Variants in FAM168A observed in about 807,000 individuals in gnomAD.
FAM168A encodes family with sequence similarity 168 member A, also known as protein FAM168A.
FAM168A carries 3 observed loss-of-function variants against 28.5 expected under a neutral mutation model. The ratio of observed to expected loss-of-function variants is 0.11; its 90% CI spans 0.05 to 0.27. The LOEUF (loss-of-function observed/expected upper bound fraction) is 0.27. FAM168A is among the 10% of genes least tolerant of loss of function. The pLI, the probability that FAM168A is intolerant of heterozygous loss-of-function variation, is 1.00. For synonymous variants in FAM168A, 122 were observed against 124.2 expected (o/e 0.98, Z 0.12); for missense variants, 222 against 311.5 (o/e 0.71, Z 2.16).
Position 73,501,496 on chromosome 11 carries a change from A to G in FAM168A, c.-18-33004T>C, listed in dbSNP as rs75384764. 9.8e-3 allele frequency among the ~76,000 whole-genome samples: 1,494 copies of G among 152,348 alleles called. 28 individuals are homozygous for G. Among genetic ancestry groups the G allele is most frequent in the African/African-American group, 0.033 (1,393 of 41,584 alleles). On this transcript the variant is annotated intron_variant, in intron 1 of 7. Coordinates refer to ENST00000356467, the MANE Select transcript of FAM168A (RefSeq NM_015159.3). ...CTGAAATCATAACAAACAGTCTCTCAGACCACAATACAATCAAATAGAACT... is the reference window on the plus strand; with the variant it reads ...CTGAAATCATAACAAACAGTCTCTCGGACCACAATACAATCAAATAGAACT...
intron 1 of FAM168A, among the ~76,000 whole-genome samples, chr11:73,560,386 GGT>G (rs989611830): frequency 6.6e-6 from 1 of 152,036 alleles, no homozygotes; most frequent in African/African-American, 2.4e-5. Context: ...CTTTTGCTAA[GGT>G]GTGTGAAGAT....
At chr11:73,518,428 T>C (rs1279303796) in intron 1 of FAM168A, among the ~76,000 whole-genome samples, 1 of 151,942 alleles carries the variant, frequency 6.6e-6, no homozygotes, top group Non-Finnish European at 1.5e-5. Context: ...AATATTTTCA[T>C]ATTAAAATAT....
intron 1 of FAM168A, among the ~76,000 whole-genome samples, chr11:73,569,825 A>AAAATAAATAAACAAAT (rs1944064857): frequency 6.9e-6 from 1 of 145,720 alleles, no homozygotes; most frequent in Non-Finnish European, 1.5e-5. Context: ...CTCCACCTCA[A>AAAATAAATAAACAAAT]AAATAAATAA....
intron 1 of FAM168A, among the ~76,000 whole-genome samples, chr11:73,537,476 G>A (rs753222782): frequency 6.6e-6 from 1 of 152,154 alleles, no homozygotes; most frequent in African/African-American, 2.4e-5. Flanking sequence ...TAGGAGGATC[G>A]CTTGAACCCG....
intron 1 of FAM168A, among the ~76,000 whole-genome samples, chr11:73,577,898 T>C (rs1944195372): frequency 6.6e-6 from 1 of 152,214 alleles, no homozygotes; most frequent in African/African-American, 2.4e-5. Flanking sequence ...AGAACGTCCC[T>C]TAGGGCCTTA....
At position 73,428,604 on chromosome 11, in the gene FAM168A, A is replaced by C. The variant is rs147278849; in HGVS notation, c.151+2086T>G. Reference sequence around the variant, plus strand: ...CAATTCACAGATCTCATAGCACTTAAATTTAAGTCATTTATATATCATGAT... The same window carrying C: ...CAATTCACAGATCTCATAGCACTTACATTTAAGTCATTTATATATCATGAT... On this transcript the variant is annotated intron_variant, in intron 3 of 7. Transcript: ENST00000356467. Among the ~76,000 whole-genome samples the C allele has an allele frequency of 5.9e-3, 894 of 152,250 alleles. 8 individuals carry two copies. The highest frequency in any genetic ancestry group is 0.027 in the Middle Eastern group (8 of 294).
chr11:73,409,369 A>G, intron 6 of FAM168A, 118 bp downstream of exon 6: 1 of 1,341,328 alleles, frequency 7.5e-7, no homozygotes, highest in Non-Finnish European at 1.0e-6. Flanking sequence ...TGGGTTCCCA[A>G]GCCCCCTGGC....
intron 2 of FAM168A, among the ~76,000 whole-genome samples, chr11:73,466,490 T>C (rs1867738159): frequency 6.6e-6 from 1 of 152,182 alleles, no homozygotes; most frequent in Admixed American, 6.5e-5. Flanking sequence ...CATTTATGAT[T>C]AATGAAATTA....
chr11:73,568,581 G>A (rs537472013), intron 1 of FAM168A, among the ~76,000 whole-genome samples: 59 of 152,230 alleles, frequency 3.9e-4, no homozygotes, highest in Admixed American at 2.6e-3. Flanking sequence ...TCTTCTCAAG[G>A]GTCAGGAAGA....
chr11:73,430,249 T>G, intron 3 of FAM168A: 1 of 113,822 alleles, frequency 8.8e-6, no homozygotes, highest in Admixed American at 8.6e-5. Flanking sequence ...CAAGAGCATG[T>G]GTGTGTGTGT....
At chr11:73,597,127 G>A (rs556163207) in intron 1 of FAM168A, among the ~76,000 whole-genome samples, 1 of 151,758 alleles carries the variant, frequency 6.6e-6, no homozygotes, top group African/African-American at 2.4e-5. Flanking sequence ...CTCCCATTTC[G>A]GGCCTGACTT....
intron 1 of FAM168A, among the ~76,000 whole-genome samples, chr11:73,570,580 A>G (rs908665007): frequency 6.6e-6 from 1 of 151,968 alleles, no homozygotes; most frequent in Non-Finnish European, 1.5e-5. Flanking sequence ...CACCTCTACA[A>G]AAAATTAGCT....
At chr11:73,597,465 GC>G (rs1367490943) in intron 1 of FAM168A, among the ~76,000 whole-genome samples, 20 of 151,590 alleles carry the variant, frequency 1.3e-4, no homozygotes, top group African/African-American at 4.4e-4. Flanking sequence ...CCCTGTACAT[GC>G]CACTCACTCT....
intron 1 of FAM168A, among the ~76,000 whole-genome samples, chr11:73,542,396 G>A (rs775671580): frequency 3.6e-4 from 55 of 152,248 alleles, no homozygotes; most frequent in Non-Finnish European, 6.8e-4. Flanking sequence ...AAAAACCTCC[G>A]AATCTCCTTT....
At chr11:73,507,275 A>G (rs368264472) in intron 1 of FAM168A, among the ~76,000 whole-genome samples, 2 of 152,362 alleles carry the variant, frequency 1.3e-5, no homozygotes, top group Non-Finnish European at 2.9e-5. Context: ...CTCCCCAGTA[A>G]GACCATTTTA....
chr11:73,551,029 T>C (rs1346979978), intron 1 of FAM168A, among the ~76,000 whole-genome samples: 2 of 150,436 alleles, frequency 1.3e-5, no homozygotes, highest in Non-Finnish European at 3.0e-5. Flanking sequence ...AAGAATGGCA[T>C]GAACCCAGGA....
chr11:73,518,480 CTAG>C (rs1943333132), intron 1 of FAM168A, among the ~76,000 whole-genome samples: 2 of 150,794 alleles, frequency 1.3e-5, no homozygotes, highest in South Asian at 4.2e-4. Context: ...GAGGTGGGGC[CTAG>C]TGGGAGGTAT....
rs61073226 is a variant in FAM168A at position 73,526,868 on chromosome 11, CAAAA to C, written c.-18-58380_-18-58377del. ...CTAGCGACAGAGCAAGACTCCATCT[CAAAA>C]AAAAAAAAAAAAAAAAAAAAACGGA... On this transcript the variant is annotated intron_variant, in intron 1 of 7. Coordinates refer to ENST00000356467, the MANE Select transcript of FAM168A (RefSeq NM_015159.3). 2.4e-3 allele frequency among the ~76,000 whole-genome samples: 123 copies of C among 51,904 alleles called. No homozygotes were observed. The East Asian group carries it at 0.051, about 21-fold the overall frequency. 34.1% of individuals were successfully genotyped at this position (51,904 alleles called of 152,430 possible).
intron 4 of FAM168A, among the ~76,000 whole-genome samples, chr11:73,412,889 T>G (rs1048566961): frequency 2.0e-5 from 3 of 152,190 alleles, no homozygotes; most frequent in Non-Finnish European, 2.9e-5. Flanking sequence ...AATAAGGGAC[T>G]AGGGGCAGAG....
Sources: allele counts gnomAD v4.1 joint callset (sites outside exome capture counted in the v4.1 genomes callset), GRCh38; gene constraint gnomAD v4.1.1; transcripts MANE v1.5; gene names NCBI Gene and HGNC (gene_info 2026-07-23, HGNC 2026-07-21).